The following DUXA variants were observed in gnomAD, a reference collection of about 807,000 sequenced individuals.
The protein encoded by DUXA is double homeobox A.
DUXA carries 25 observed loss-of-function variants against 27.5 expected under a neutral mutation model. That is an observed-to-expected ratio of 0.91 (90% CI 0.66 to 1.27). The LOEUF (loss-of-function observed/expected upper bound fraction) is 1.27, where lower values mean the gene tolerates loss of function less well. DUXA is among the 50% of genes most tolerant of loss of function. The probability of loss-of-function intolerance (pLI) is 0.00; values close to 1 mark genes in which losing one functional copy is unlikely to be tolerated. For missense variants in DUXA, 247 were observed against 242.9 expected, an observed-to-expected ratio of 1.02 and a Z score of -0.11; for synonymous variants, 90 against 80.5, an observed-to-expected ratio of 1.12 and a Z score of -0.63.
At chr19:57,164,802 C>T (rs1469011466) in intron 1 of DUXA, among the ~76,000 whole-genome samples, 1 of 152,038 alleles carries the variant, frequency 6.6e-6, no homozygotes, top group Non-Finnish European at 1.5e-5. Context: ...CTTTGTGTTA[C>T]ACAGGATATT....
intron 1 of DUXA, among the ~76,000 whole-genome samples, chr19:57,165,324 A>ATATATATATATATACAT (rs1555759590): frequency 2.2e-5 from 2 of 89,286 alleles, no homozygotes; most frequent in Admixed American, 2.6e-4. Flanking sequence ...AAAAAAAAAA[A>ATATATATATATATACAT]ATATATATAT....
intron 1 of DUXA, among the ~76,000 whole-genome samples, chr19:57,164,005 C>T (rs186998949): frequency 6.6e-6 from 1 of 152,002 alleles, no homozygotes; most frequent in Non-Finnish European, 1.5e-5. Flanking sequence ...TCCTTGAGTC[C>T]AGGAGTTCAA....
In DUXA at chr19:57,159,474, C is replaced by T. The variant is rs547768999; in HGVS notation, c.181-196G>A. Reference sequence around the variant, plus strand: ...TGTGGCCCAGGCTGGAGTGCAGTGGCGTGATCTCGGCTCACTGCAACCTCC... The same window carrying T: ...TGTGGCCCAGGCTGGAGTGCAGTGGTGTGATCTCGGCTCACTGCAACCTCC... On this transcript the variant is annotated intron_variant, in intron 2 of 5. Transcript: ENST00000554048. 5.3e-5 allele frequency among the ~76,000 whole-genome samples: 8 copies of T among 152,036 alleles called. No individual in the cohort carries two copies. In the East Asian group the frequency reaches 7.8e-4, roughly 15 times the overall value.
In DUXA at chr19:57,154,120, C is replaced by A. The variant is rs2086978364; in HGVS notation, c.*292G>T. ...CAGGGTAGTGTGGTACCCCCTGTAC[C>A]CGTCTCTGCCTCCTACAGTCCTTTT... On this transcript the variant is annotated 3_prime_UTR_variant, in exon 6 of 6. Transcript: ENST00000554048. 3.3e-6 allele frequency: 1 copy of A among 302,798 alleles called. No homozygotes were observed. Among genetic ancestry groups the A allele is most frequent in the Non-Finnish European group, 6.3e-6 (1 of 158,270 alleles). The allele number at this position is 302,798 out of a possible 1,614,324, so 18.8% of individuals were successfully genotyped here. A position where few individuals can be genotyped will look rare whatever the true frequency, so the allele number is the denominator to read the frequency against.
At chr19:57,161,039 T>C (rs560704345) in intron 1 of DUXA, among the ~76,000 whole-genome samples, 5 of 151,902 alleles carry the variant, frequency 3.3e-5, no homozygotes, top group East Asian at 1.9e-4. Context: ...TTAAAAACCA[T>C]TGTGAGCCGG....
intron 1 of DUXA, among the ~76,000 whole-genome samples, chr19:57,166,510 A>G (rs1025417130): frequency 2.6e-5 from 4 of 152,148 alleles, no homozygotes; most frequent in South Asian, 2.1e-4. Flanking sequence ...GGGTTTCACC[A>G]TGTTAGCCAG....
intron 1 of DUXA, among the ~76,000 whole-genome samples, chr19:57,166,794 T>C (rs1056757157): frequency 4.6e-5 from 7 of 152,158 alleles, no homozygotes; most frequent in Non-Finnish European, 8.8e-5. Context: ...CATCAGAATG[T>C]CCAGCCTGAC....
Position 57,154,459 on chromosome 19 carries a change from TG to T in DUXA, c.567del (p.Thr190ProfsTer24), listed in dbSNP as rs1377913099. On this transcript the variant is annotated frameshift_variant, in exon 6 of 6. Transcript: ENST00000554048. LOFTEE classifies it low-confidence loss of function (END_TRUNC). ...AAATGAGAGTCACTAGTGAAGTTGG[TG>T]CCATTTTGTGTATCTTCTGCACCTA... is the stretch of plus-strand genomic sequence containing the variant. ...GLQGAEDTQN[G>X]TNFTSDSHFS... 6.2e-7 allele frequency: 1 copy of T among 1,613,748 alleles called. No individual in the cohort carries two copies. The highest frequency in any genetic ancestry group is 8.5e-7 in the Non-Finnish European group (1 of 1,179,742).
At chr19:57,161,515 C>T (rs958226322) in intron 1 of DUXA, among the ~76,000 whole-genome samples, 3 of 149,270 alleles carry the variant, frequency 2.0e-5, no homozygotes, top group East Asian at 2.0e-4. Flanking sequence ...CCCAGCTACT[C>T]CGGAGGCTGA....
chr19:57,158,361 A>T lies in DUXA; in HGVS notation c.405T>A (p.Ala135=), dbSNP rs1444053910. The change falls in exon 4 of 6, where the codon GCT becomes GCA. Residue 135 remains alanine (A), a synonymous_variant. Transcript: ENST00000554048. ...TTGACTCTGGAACACCGATTTCTTTAGCAAGTTCTTCTCTGGAATCAATCC... is the reference window on the plus strand; with the variant it reads ...TTGACTCTGGAACACCGATTTCTTTTGCAAGTTCTTCTCTGGAATCAATCC... ...YPGIDSREEL[A]KEIGVPESRV... 1 of 1,612,348 alleles carries T rather than the reference A, an allele frequency of 6.2e-7. No individual in the cohort carries two copies. The highest frequency in any genetic ancestry group is 8.5e-7 in the Non-Finnish European group (1 of 1,179,958).
intron 4 of DUXA, among the ~76,000 whole-genome samples, chr19:57,155,767 C>G (rs2086990512): frequency 6.6e-6 from 1 of 151,882 alleles, no homozygotes; most frequent in African/African-American, 2.4e-5. Context: ...CTCCCAGGTT[C>G]AAGCAATTCT....
At chr19:57,155,151 A>G in intron 5 of DUXA, 116 bp downstream of exon 5, 1 of 869,352 alleles carries the variant, frequency 1.2e-6, no homozygotes, top group Non-Finnish European at 1.9e-6. Flanking sequence ...ACCGTGGAGC[A>G]CTTGAGTGGG....
At position 57,154,168 on chromosome 19, in the gene DUXA, T is replaced by G. The variant is rs868509451; in HGVS notation, c.*244A>C. On this transcript the variant is annotated 3_prime_UTR_variant, in exon 6 of 6. Transcript: ENST00000554048. ...TTTCATTTATTTTGTTTTTTTATAATAGAGGCAGAGTCTTGCTATATGTTG... is the reference window on the plus strand; with the variant it reads ...TTTCATTTATTTTGTTTTTTTATAAGAGAGGCAGAGTCTTGCTATATGTTG... 23 of 413,702 alleles carry G rather than the reference T, an allele frequency of 5.6e-5. No individual in the cohort carries two copies. Among genetic ancestry groups the G allele is most frequent in the Middle Eastern group, 1.4e-3 (2 of 1,382 alleles). 25.6% of individuals were successfully genotyped at this position (413,702 alleles called of 1,614,324 possible).
intron 1 of DUXA, among the ~76,000 whole-genome samples, chr19:57,165,322 A>ATATATATATATATATGTATATAT (rs1484903570): frequency 3.4e-3 from 306 of 88,954 alleles, no homozygotes; most frequent in Non-Finnish European, 6.3e-3. Context: ...AAAAAAAAAA[A>ATATATATATATATATGTATATAT]AAATATATAT....
chr19:57,160,841 T>G (rs767328975), intron 1 of DUXA, 44 bp from the exon 2 acceptor site: 2 of 1,603,244 alleles, frequency 1.2e-6, no homozygotes, highest in Non-Finnish European at 1.7e-6. Context: ...TAGGTTAATT[T>G]ATATACTCAA....
chr19:57,159,333 T>C, intron 2 of DUXA, 55 bp from the exon 3 acceptor site: 1 of 1,496,252 alleles, frequency 6.7e-7, no homozygotes, highest in Non-Finnish European at 9.2e-7. Flanking sequence ...TTAAGCTACA[T>C]CACTGCCTGT....
rs545953372 is a variant in DUXA, at chr19:57,159,885, G to A, written c.181-607C>T. On this transcript the variant is annotated intron_variant, in intron 2 of 5. Coordinates refer to ENST00000554048, the MANE Select transcript of DUXA (RefSeq NM_001012729.2). Reference sequence around the variant, plus strand: ...TGGGAAGCCGAAGCAGGCAGATCACGAGGTCAGGAGTTCAAGACCAGCCTG... The same window carrying A: ...TGGGAAGCCGAAGCAGGCAGATCACAAGGTCAGGAGTTCAAGACCAGCCTG... Among the ~76,000 whole-genome samples the A allele has an allele frequency of 4.0e-5, 6 of 151,792 alleles. No individual in the cohort carries two copies. The South Asian group carries it at 8.3e-4, about 21-fold the overall frequency.
chr19:57,154,483 C>T lies in DUXA; in HGVS notation c.545-1G>A, dbSNP rs777103754. 10 of 1,611,626 alleles carry T rather than the reference C, an allele frequency of 6.2e-6. No individual in the cohort carries two copies. On this transcript the variant is annotated splice_acceptor_variant, in intron 5 of 5. Coordinates refer to ENST00000554048, the MANE Select transcript of DUXA (RefSeq NM_001012729.2). LOFTEE classifies it high-confidence loss of function. ...GTGCCATTTTGTGTATCTTCTGCAC[C>T]TAAGGAGGAAAAAAGATAGAGGAAA...
intron 1 of DUXA, among the ~76,000 whole-genome samples, chr19:57,164,972 A>C (rs1282375518): frequency 6.6e-6 from 1 of 152,138 alleles, no homozygotes; most frequent in Non-Finnish European, 1.5e-5. Flanking sequence ...ATGTCCTCTG[A>C]GGTACCAGCA....
Sources: gnomAD v4.1 joint callset for allele counts (sites outside exome capture counted in the v4.1 genomes callset) on GRCh38, gnomAD v4.1.1 for gene constraint, MANE v1.5 for transcripts, NCBI Gene and HGNC (gene_info 2026-07-23, HGNC 2026-07-21) for gene names.